The following PTPRQ variants were observed in gnomAD, a reference collection of about 807,000 sequenced individuals.
PTPRQ encodes the protein protein tyrosine phosphatase receptor type Q, also known as phosphatidylinositol phosphatase PTPRQ.
PTPRQ carries 199 observed loss-of-function variants against 246.0 expected under a neutral mutation model. That is an observed-to-expected ratio of 0.81 (90% confidence interval 0.72 to 0.91). PTPRQ has a LOEUF of 0.91. Ranked by LOEUF, PTPRQ falls within the 40% of genes least tolerant of loss-of-function variation. The pLI is 0.00. For missense variants in PTPRQ, 2,624 were observed against 2,528.4 expected, an observed-to-expected ratio of 1.04 and a Z score of -0.81; for synonymous variants, 869 against 853.2, an observed-to-expected ratio of 1.02 and a Z score of -0.32.
Position 80,621,787 on chromosome 12 carries a change from T to C in PTPRQ, c.5613-274T>C, listed in dbSNP as rs144118636. Reference sequence around the variant, plus strand: ...AAACAAATCCTTGAAGGAGGTGAGCTGATTCAGTTGTTCAAACTGCTAACT... The same window carrying C: ...AAACAAATCCTTGAAGGAGGTGAGCCGATTCAGTTGTTCAAACTGCTAACT... On this transcript the variant is annotated intron_variant, in intron 32 of 44. Coordinates refer to ENST00000644991, the MANE Select transcript of PTPRQ (RefSeq NM_001145026.2). Among the ~76,000 whole-genome samples, 191 of 152,142 alleles carry C rather than the reference T, an allele frequency of 1.3e-3. 1 individual carries two copies. The highest frequency in any genetic ancestry group is 4.4e-3 in the African/African-American group (181 of 41,562).
intron 30 of PTPRQ, among the ~76,000 whole-genome samples, chr12:80,619,113 A>G (rs973496384): frequency 8.6e-5 from 13 of 151,660 alleles, no homozygotes; most frequent in Non-Finnish European, 1.6e-4. Flanking sequence ...GAGCATGTAT[A>G]AATTGAATTT....
At chr12:80,445,982 G>A (rs1221738435) in intron 3 of PTPRQ, among the ~76,000 whole-genome samples, 8 of 151,542 alleles carry the variant, frequency 5.3e-5, no homozygotes, top group Non-Finnish European at 8.8e-5. Flanking sequence ...ATACATGTAT[G>A]AATATAATAC....
chr12:80,570,406 T>G (rs1189244029), intron 25 of PTPRQ, among the ~76,000 whole-genome samples: 1 of 152,110 alleles, frequency 6.6e-6, no homozygotes, highest in Non-Finnish European at 1.5e-5. Context: ...GTTCATATCC[T>G]TTGCCCACAT....
intron 17 of PTPRQ, 92 bp downstream of exon 17, chr12:80,510,535 T>C: frequency 8.0e-7 from 1 of 1,251,566 alleles, no homozygotes; most frequent in Non-Finnish European, 1.0e-6. Context: ...AATGTGGTGC[T>C]ACATTAGGAA....
chr12:80,512,102 G>GA (rs949212107), intron 17 of PTPRQ, among the ~76,000 whole-genome samples: 31 of 152,106 alleles, frequency 2.0e-4, no homozygotes, highest in Non-Finnish European at 3.7e-4. Flanking sequence ...GTGCAGATAA[G>GA]AAAAAGAGAA....
chr12:80,450,542 G>A (rs1458984068), intron 3 of PTPRQ, among the ~76,000 whole-genome samples: 4 of 151,978 alleles, frequency 2.6e-5, no homozygotes, highest in East Asian at 3.9e-4. Flanking sequence ...ATTATTTTGA[G>A]ATACGTCCCA....
intron 43 of PTPRQ, among the ~76,000 whole-genome samples, chr12:80,677,814 A>G (rs189401429): frequency 2.6e-5 from 4 of 152,336 alleles, no homozygotes; most frequent in African/African-American, 9.6e-5. Context: ...CAATTTGAAT[A>G]TATGTCTTAA....
chr12:80,613,101 A>G (rs568949595), intron 28 of PTPRQ, among the ~76,000 whole-genome samples: 2 of 150,654 alleles, frequency 1.3e-5, no homozygotes, highest in East Asian at 2.0e-4. Flanking sequence ...ATAACAAAAC[A>G]TGGAAAGGGG....
chr12:80,555,109 T>C (rs1017781690), intron 25 of PTPRQ, among the ~76,000 whole-genome samples: 5 of 152,180 alleles, frequency 3.3e-5, no homozygotes, highest in African/African-American at 1.2e-4. Flanking sequence ...GAGACAGGGT[T>C]TCACCATGTG....
rs371759807 is a variant in PTPRQ, at chr12:80,445,211, C to T, written c.164-280C>T. ...TGTTTTCTTAGTTTTTCTGTGTAAG[C>T]CTTGCGTAAGTGAATTTCTTTTAAA... On this transcript the variant is annotated intron_variant, in intron 2 of 44. Coordinates refer to ENST00000644991, the MANE Select transcript of PTPRQ (RefSeq NM_001145026.2). Among the ~76,000 whole-genome samples, 7 of 151,968 alleles carry T rather than the reference C, an allele frequency of 4.6e-5. No homozygotes were observed. The East Asian group carries it at 1.4e-3, about 29-fold the overall frequency.
intron 29 of PTPRQ, among the ~76,000 whole-genome samples, chr12:80,615,988 T>C (rs1898740700): frequency 6.6e-6 from 1 of 150,920 alleles, no homozygotes; most frequent in South Asian, 2.1e-4. Flanking sequence ...CCTACATATA[T>C]TATATTCAAG....
At chr12:80,671,141 T>C (rs527316747) in intron 42 of PTPRQ, among the ~76,000 whole-genome samples, 2 of 152,208 alleles carry the variant, frequency 1.3e-5, no homozygotes, top group Non-Finnish European at 2.9e-5. Context: ...TTTAAATGAT[T>C]ATACATTTTC....
At chr12:80,536,227 T>C (rs1483746496) in intron 19 of PTPRQ, among the ~76,000 whole-genome samples, 1 of 152,268 alleles carries the variant, frequency 6.6e-6, no homozygotes, top group East Asian at 1.9e-4. Context: ...ATTTCTATCC[T>C]TTTAAGTAAA....
At chr12:80,567,817 C>G (rs1897025017) in intron 25 of PTPRQ, among the ~76,000 whole-genome samples, 1 of 152,096 alleles carries the variant, frequency 6.6e-6, no homozygotes, top group Non-Finnish European at 1.5e-5. Flanking sequence ...GTTCAAGAAA[C>G]TGATGGTTTT....
At chr12:80,562,972 C>G (rs530553287) in intron 25 of PTPRQ, among the ~76,000 whole-genome samples, 13 of 152,122 alleles carry the variant, frequency 8.5e-5, no homozygotes, top group African/African-American at 3.1e-4. Flanking sequence ...AAACAGCTCT[C>G]ACAGTTAAAT....
intron 9 of PTPRQ, among the ~76,000 whole-genome samples, chr12:80,489,194 CT>C (rs1565741046): frequency 2.0e-5 from 3 of 152,042 alleles, no homozygotes; most frequent in African/African-American, 2.4e-5. Context: ...AAATACCTGT[CT>C]TTTAATTTTC....
intron 17 of PTPRQ, chr12:80,526,025 A>C (rs1895675603): frequency 6.6e-6 from 1 of 152,130 alleles, no homozygotes; most frequent in Non-Finnish European, 1.5e-5. Flanking sequence ...AGATAGCATC[A>C]AAAATCTAGA....
chr12:80,631,592 C>T (rs915080566), intron 33 of PTPRQ, among the ~76,000 whole-genome samples: 3 of 152,112 alleles, frequency 2.0e-5, no homozygotes, highest in African/African-American at 7.2e-5. Flanking sequence ...TTAGTTCCTT[C>T]CTCCCACTTT....
intron 17 of PTPRQ, among the ~76,000 whole-genome samples, chr12:80,518,199 C>A (rs901682594): frequency 2.0e-5 from 3 of 152,144 alleles, no homozygotes; most frequent in Non-Finnish European, 2.9e-5. Flanking sequence ...GATGGTATCT[C>A]ACTGTAGTTT....
Sources: allele counts gnomAD v4.1 joint callset (sites outside exome capture counted in the v4.1 genomes callset), GRCh38; gene constraint gnomAD v4.1.1; transcripts MANE v1.5; gene names NCBI Gene and HGNC (gene_info 2026-07-23, HGNC 2026-07-21).